AXDND1: variants seen among roughly 807,000 people sequenced by gnomAD.
The protein encoded by AXDND1 is axonemal dynein light chain domain-containing protein 1.
In AXDND1, 110 loss-of-function variants were observed where a neutral mutation model predicts 137.5. That is an observed-to-expected ratio of 0.80 (90% CI 0.69 to 0.94). The LOEUF is 0.94. Among genes scored for constraint, AXDND1 ranks in the 40% least tolerant of loss-of-function variants. AXDND1 has a pLI of 0.00. For synonymous variants in AXDND1, 414 were observed against 399.7 expected, an observed-to-expected ratio of 1.04 and a Z score of -0.43; for missense variants, 1,191 against 1,169.8, an observed-to-expected ratio of 1.02 and a Z score of -0.26.
intron 11 of AXDND1, among the ~76,000 whole-genome samples, chr1:179,408,915 G>A (rs1033242292): frequency 6.7e-6 from 1 of 148,828 alleles, no homozygotes; most frequent in Non-Finnish European, 1.5e-5. Flanking sequence ...AAACTCCTAG[G>A]TTCAAGTAAT....
chr1:179,436,800 G>A (rs558766283), intron 15 of AXDND1, among the ~76,000 whole-genome samples: 14 of 151,808 alleles, frequency 9.2e-5, no homozygotes, highest in African/African-American at 2.4e-4. Context: ...CATGGCACAC[G>A]TATACCTGTG....
rs1558131324 is a variant in AXDND1, at chr1:179,405,755, CTCT to C, written c.1110-5389_1110-5387del. Among the ~76,000 whole-genome samples the C allele has an allele frequency of 1.4e-3, 207 of 151,870 alleles. 2 individuals carry two copies. Among genetic ancestry groups the C allele is most frequent in the African/African-American group, 4.8e-3 (199 of 41,460 alleles). On this transcript the variant is annotated intron_variant, in intron 11 of 25. Transcript: ENST00000367618. ...CTGATTTTATTTGCTTGAGTCGTCT[CTCT>C]TTTTTTCTTGGGTAGTCTAGCTAGA...
intron 17 of AXDND1, among the ~76,000 whole-genome samples, chr1:179,477,313 A>C (rs985459039): frequency 6.6e-6 from 1 of 151,832 alleles, no homozygotes; most frequent in African/African-American, 2.4e-5. Context: ...AACATGTGTT[A>C]GTTCATTTTC....
rs1671321225 is a variant in AXDND1 at position 179,534,420 on chromosome 1, G to C, written c.2799-310G>C. The C allele has an allele frequency of 2.1e-5, 5 of 236,024 alleles. No individual in the cohort carries two copies. In the South Asian group the frequency reaches 6.2e-4, roughly 29 times the overall value. The allele number at this position is 236,024 out of a possible 1,614,324, so 14.6% of individuals were successfully genotyped here. A position where few individuals can be genotyped will look rare whatever the true frequency, so the allele number is the denominator to read the frequency against. ...GTTTGTTGGATCACATCAATTAAGA[G>C]AAGCCAAAATTAACTCTTGAAAGGG... On this transcript the variant is annotated intron_variant, in intron 24 of 25. Coordinates refer to ENST00000367618, the MANE Select transcript of AXDND1 (RefSeq NM_144696.6).
intron 17 of AXDND1, among the ~76,000 whole-genome samples, chr1:179,472,858 T>A (rs1369803627): frequency 3.9e-5 from 6 of 152,198 alleles, no homozygotes; most frequent in African/African-American, 1.4e-4. Flanking sequence ...CCTTTTATAC[T>A]GTTATATACC....
At chr1:179,492,447 AAACAAC>A (rs201056500) in intron 19 of AXDND1, among the ~76,000 whole-genome samples, 32 of 95,104 alleles carry the variant, frequency 3.4e-4, no homozygotes, top group Admixed American at 2.4e-3. Flanking sequence ...AGAAAAAAAA[AAACAAC>A]AACCCACAAA....
intron 11 of AXDND1, among the ~76,000 whole-genome samples, chr1:179,406,956 A>G (rs1653064420): frequency 6.6e-6 from 1 of 151,858 alleles, no homozygotes; most frequent in African/African-American, 2.4e-5. Context: ...TTTATTGTTT[A>G]TCATTGCTGT....
At chr1:179,520,157 G>A (rs1669917774) in intron 21 of AXDND1, among the ~76,000 whole-genome samples, 1 of 152,122 alleles carries the variant, frequency 6.6e-6, no homozygotes, top group Non-Finnish European at 1.5e-5. Flanking sequence ...TTGTGAATGG[G>A]AGTTCATTTG....
intron 25 of AXDND1, among the ~76,000 whole-genome samples, chr1:179,549,213 T>G (rs2125755071): frequency 6.6e-6 from 1 of 152,316 alleles, no homozygotes; most frequent in African/African-American, 2.4e-5. Context: ...AGTAACCAGT[T>G]GGAATGCAGC....
At chr1:179,423,364 T>C (rs2125280209) in intron 12 of AXDND1, among the ~76,000 whole-genome samples, 1 of 152,326 alleles carries the variant, frequency 6.6e-6, no homozygotes, top group Admixed American at 6.5e-5. Flanking sequence ...ACAGATATTG[T>C]TGGGTCTTGT....
At chr1:179,403,965 T>C (rs1423325521) in intron 11 of AXDND1, among the ~76,000 whole-genome samples, 7 of 152,222 alleles carry the variant, frequency 4.6e-5, no homozygotes, top group Non-Finnish European at 1.0e-4. Context: ...GTATGTACTG[T>C]AGTTAATTTT....
chr1:179,549,713 C>T (rs771644136), intron 25 of AXDND1, among the ~76,000 whole-genome samples: 1 of 152,048 alleles, frequency 6.6e-6, no homozygotes, highest in Non-Finnish European at 1.5e-5. Flanking sequence ...GAAAAGTGAC[C>T]AACAACCCTC....
Position 179,519,535 on chromosome 1 carries a change from C to G in AXDND1, c.2497-5799C>G, listed in dbSNP as rs1196404219. Among the ~76,000 whole-genome samples the G allele has an allele frequency of 2.6e-5, 4 of 152,244 alleles. No homozygotes were observed. The East Asian group carries it at 7.7e-4, about 29-fold the overall frequency. On this transcript the variant is annotated intron_variant, in intron 21 of 25. Coordinates refer to ENST00000367618, the MANE Select transcript of AXDND1 (RefSeq NM_144696.6). ...ATAGTTTTGGGTTTTACATTTAAGCCTTTAATCCCATCTTCAGTTAATTTT... is the reference window on the plus strand; with the variant it reads ...ATAGTTTTGGGTTTTACATTTAAGCGTTTAATCCCATCTTCAGTTAATTTT...
At chr1:179,431,388 C>T (rs1657348254) in intron 14 of AXDND1, among the ~76,000 whole-genome samples, 1 of 152,086 alleles carries the variant, frequency 6.6e-6, no homozygotes, top group Admixed American at 6.5e-5. Context: ...GAGATCCACC[C>T]ACCTAGGCCT....
intron 9 of AXDND1, among the ~76,000 whole-genome samples, chr1:179,386,090 C>T (rs1348941173): frequency 4.7e-5 from 6 of 127,266 alleles, no homozygotes; most frequent in African/African-American, 6.1e-5. Flanking sequence ...CTCGCTCTGT[C>T]GCCCAGGCTG....
chr1:179,434,550 A>T (rs1490566477), intron 15 of AXDND1, among the ~76,000 whole-genome samples: 6 of 152,214 alleles, frequency 3.9e-5, no homozygotes, highest in Non-Finnish European at 7.3e-5. Flanking sequence ...GATTCAACAT[A>T]CACAAATCAA....
chr1:179,541,143 C>T (rs909978111), intron 25 of AXDND1, among the ~76,000 whole-genome samples: 1 of 152,216 alleles, frequency 6.6e-6, no homozygotes. Flanking sequence ...AGCCAGGCAC[C>T]AGAGGGAATC....
intron 21 of AXDND1, among the ~76,000 whole-genome samples, chr1:179,509,808 ATCTTC>A (rs900947478): frequency 5.4e-5 from 8 of 147,782 alleles, no homozygotes; most frequent in African/African-American, 2.0e-4. Flanking sequence ...CCTCTTTAAT[ATCTTC>A]TCTAATTGTT....
chr1:179,471,489 CA>C (rs533989234), intron 17 of AXDND1, among the ~76,000 whole-genome samples: 11 of 152,148 alleles, frequency 7.2e-5, no homozygotes, highest in Non-Finnish European at 1.3e-4. Flanking sequence ...GATTTGTTGG[CA>C]AAATTGTTCA....
Sources: gnomAD v4.1 joint callset for allele counts (sites outside exome capture counted in the v4.1 genomes callset) on GRCh38, gnomAD v4.1.1 for gene constraint, MANE v1.5 for transcripts, NCBI Gene and HGNC (gene_info 2026-07-23, HGNC 2026-07-21) for gene names.